Variants in CBLN2 observed in about 807,000 individuals in gnomAD.
CBLN2 encodes the protein cerebellin 2 precursor.
A neutral mutation model predicts 15.0 loss-of-function variants in CBLN2; 7 were observed. The ratio of observed to expected loss-of-function variants is 0.47; its 90% CI spans 0.27 to 0.88. CBLN2 has a LOEUF of 0.88. Among genes scored for constraint, CBLN2 ranks in the 40% least tolerant of loss-of-function variants. The probability of loss-of-function intolerance (pLI) is 0.14; values close to 1 mark genes in which losing one functional copy is unlikely to be tolerated. For synonymous variants in CBLN2, 149 were observed against 135.2 expected, an observed-to-expected ratio of 1.10 and a Z score of -0.71; for missense variants, 242 against 304.5, an observed-to-expected ratio of 0.79 and a Z score of 1.53.
intron 1 of CBLN2, among the ~76,000 whole-genome samples, chr18:72,558,667 G>T (rs2069241295): frequency 6.6e-6 from 1 of 152,150 alleles, no homozygotes. Flanking sequence ...TGAGGAAAGG[G>T]TCGACACAAA....
chr18:72,562,846 G>A (rs893737873), intron 1 of CBLN2, among the ~76,000 whole-genome samples: 1 of 152,156 alleles, frequency 6.6e-6, no homozygotes, highest in African/African-American at 2.4e-5. Context: ...CTCTGATACT[G>A]TCTGACAGTT....
rs924600143 is a variant in CBLN2 at position 72,616,057 on chromosome 18, C to T, written c.15+22268G>A. ...TTTTAGTTTCCTCTTGTTTCAAACA[C>T]TACTGTGTTCCTGATAATGTTGAAT... On this transcript the variant is annotated intron_variant, in intron 1 of 2. Transcript: ENST00000581073. Among the ~76,000 whole-genome samples, 4 of 152,314 alleles carry T rather than the reference C, an allele frequency of 2.6e-5. No individual in the cohort carries two copies. The East Asian group carries it at 7.7e-4, about 29-fold the overall frequency.
upstream of CBLN2, among the ~76,000 whole-genome samples, chr18:72,545,212 A>T (rs1012922142): frequency 6.6e-6 from 1 of 152,184 alleles, no homozygotes; most frequent in Admixed American, 6.5e-5. Flanking sequence ...CCAAGGCATC[A>T]TCTCTAAGCA....
At chr18:72,593,968 T>C (rs905650566) in intron 1 of CBLN2, among the ~76,000 whole-genome samples, 2 of 152,100 alleles carry the variant, frequency 1.3e-5, no homozygotes, top group African/African-American at 4.8e-5. Flanking sequence ...AAAGGATGAA[T>C]TCATGTCCTT....
intron 1 of CBLN2, among the ~76,000 whole-genome samples, chr18:72,622,180 C>T (rs962102073): frequency 3.3e-5 from 5 of 152,046 alleles, no homozygotes; most frequent in African/African-American, 1.2e-4. Flanking sequence ...GAATTGTGAA[C>T]CTCTTGAATG....
At chr18:72,546,897 G>T (rs2144876449), upstream of CBLN2, among the ~76,000 whole-genome samples, 1 of 151,984 alleles carries the variant, frequency 6.6e-6, no homozygotes, top group South Asian at 2.1e-4. Flanking sequence ...GAGTTCTTTG[G>T]GTATAACCTA....
intron 1 of CBLN2, among the ~76,000 whole-genome samples, chr18:72,630,705 G>A (rs676605): frequency 0.96 from 146,490 of 152,198 alleles, 70,731 homozygotes; most frequent in East Asian, 1. Flanking sequence ...TTGTAGTCCA[G>A]TGTCCTTTCA....
At chr18:72,628,507 T>C (rs2069754934) in intron 1 of CBLN2, among the ~76,000 whole-genome samples, 1 of 152,196 alleles carries the variant, frequency 6.6e-6, no homozygotes, top group African/African-American at 2.4e-5. Context: ...TGTCCAGCAT[T>C]GGACGGAGAT....
At chr18:72,619,398 T>C (rs998626713) in intron 1 of CBLN2, among the ~76,000 whole-genome samples, 8 of 152,208 alleles carry the variant, frequency 5.3e-5, no homozygotes, top group African/African-American at 1.9e-4. Context: ...TCTCAAGGAC[T>C]GTATTTGTGA....
intron 1 of CBLN2, among the ~76,000 whole-genome samples, chr18:72,558,977 G>T (rs1267359771): frequency 6.6e-6 from 1 of 152,138 alleles, no homozygotes; most frequent in Non-Finnish European, 1.5e-5. Flanking sequence ...ATCACCTGAG[G>T]CCAGGAAGTC....
At chr18:72,616,810 G>A (rs537741295) in intron 1 of CBLN2, among the ~76,000 whole-genome samples, 50 of 151,990 alleles carry the variant, frequency 3.3e-4, no homozygotes, top group East Asian at 5.8e-4. Flanking sequence ...AGAGCAATTC[G>A]TCTTGTGTTT....
At position 72,609,714 on chromosome 18, in the gene CBLN2, A is replaced by G. The variant is rs2069608210; in HGVS notation, c.15+28611T>C. Among the ~76,000 whole-genome samples, 6 of 152,144 alleles carry G rather than the reference A, an allele frequency of 3.9e-5. No homozygotes were observed. The South Asian group carries it at 1.2e-3, about 32-fold the overall frequency. ...CCAGGTGCCATCCCTGTCACTCCTA[A>G]TCACTTCTTGTAAGTTGGATGGGAC... On this transcript the variant is annotated intron_variant, in intron 1 of 2. Coordinates refer to the CBLN2 transcript ENST00000581073.
chr18:72,627,444 C>T (rs2069747536), intron 1 of CBLN2, among the ~76,000 whole-genome samples: 1 of 152,226 alleles, frequency 6.6e-6, no homozygotes, highest in Admixed American at 6.5e-5. Flanking sequence ...TGCTGCGTGG[C>T]AGGCCCTAAT....
intron 1 of CBLN2, among the ~76,000 whole-genome samples, chr18:72,564,433 A>G (rs771939269): frequency 1.3e-5 from 2 of 152,180 alleles, no homozygotes; most frequent in African/African-American, 2.4e-5. Flanking sequence ...CTTCAGCAAC[A>G]AAAGTTCAAG....
Position 72,538,137 on chromosome 18 carries a change from C to A in CBLN2, c.*39G>T. The stretch of plus-strand genomic sequence containing the variant: ...TGTTTTAAAGGGCGGAGTCCTGGGT[C>A]CAGTTTGCCATTCCCCCACCATCTA... On this transcript the variant is annotated 3_prime_UTR_variant, in exon 5 of 5. Coordinates refer to ENST00000269503, the MANE Select transcript of CBLN2 (RefSeq NM_182511.4). 1 of 1,607,240 alleles carries A rather than the reference C, an allele frequency of 6.2e-7. No individual in the cohort carries two copies. Among genetic ancestry groups the A allele is most frequent in the Non-Finnish European group, 8.5e-7 (1 of 1,173,976 alleles).
intron 1 of CBLN2, among the ~76,000 whole-genome samples, chr18:72,553,349 G>T (rs2069202950): frequency 6.6e-6 from 1 of 152,142 alleles, no homozygotes; most frequent in Admixed American, 6.5e-5. Flanking sequence ...AATGAGGGAA[G>T]GAGCGATAAA....
At chr18:72,592,582 G>A (rs1458290753) in intron 1 of CBLN2, among the ~76,000 whole-genome samples, 1 of 151,978 alleles carries the variant, frequency 6.6e-6, no homozygotes, top group Non-Finnish European at 1.5e-5. Flanking sequence ...CAATGTCCTG[G>A]AGATTTTCTC....
chr18:72,615,287 T>A (rs2069653679), intron 1 of CBLN2, among the ~76,000 whole-genome samples: 1 of 142,876 alleles, frequency 7.0e-6, no homozygotes, highest in Non-Finnish European at 1.5e-5. Flanking sequence ...TATATATTTT[T>A]TTTTTGAGAC....
intron 2 of CBLN2, among the ~76,000 whole-genome samples, chr18:72,542,670 C>T (rs1448885682): frequency 1.3e-5 from 2 of 152,108 alleles, no homozygotes; most frequent in Admixed American, 6.5e-5. Context: ...AAGACGCAGG[C>T]AAAGAAAAAC....
Sources: allele counts gnomAD v4.1 joint callset (sites outside exome capture counted in the v4.1 genomes callset), GRCh38; gene constraint gnomAD v4.1.1; transcripts MANE v1.5; gene names NCBI Gene and HGNC (gene_info 2026-07-23, HGNC 2026-07-21).